The following PCDH15 variants were observed in gnomAD, a reference collection of about 807,000 sequenced individuals.
PCDH15 encodes protocadherin related 15.
A neutral mutation model predicts 178.5 loss-of-function variants in PCDH15; 129 were observed. The ratio of observed to expected loss-of-function variants is 0.72; its 90% CI spans 0.63 to 0.84. The LOEUF is 0.84. PCDH15 is among the 40% of genes least tolerant of loss of function. PCDH15 has a pLI of 0.00. For missense variants in PCDH15, 2,230 were observed against 2,099.9 expected, an observed-to-expected ratio of 1.06 and a Z score of -1.21; for synonymous variants, 800 against 732.0, an observed-to-expected ratio of 1.09 and a Z score of -1.50.
rs373752940 is a variant in PCDH15, at chr10:54,426,246, C to A, written c.158-47304G>T. ...TTTTGTTTATACCAGTGGTCCCCAA[C>A]CTCTTTGGTACCAGGGATTCATTTT... On this transcript the variant is annotated intron_variant, in intron 3 of 37. Transcript: ENST00000644397. Among the ~76,000 whole-genome samples, 61 of 152,224 alleles carry A rather than the reference C, an allele frequency of 4.0e-4. 1 individual carries two copies. The highest frequency in any genetic ancestry group is 1.3e-3 in the African/African-American group (52 of 41,532).
Position 54,179,703 on chromosome 10 carries a change from CTAAG to C in PCDH15, c.1590+3737_1590+3740del, listed in dbSNP as rs371996475. Among the ~76,000 whole-genome samples, 614 of 152,202 alleles carry C rather than the reference CTAAG, an allele frequency of 4.0e-3. 5 individuals carry two copies. The highest frequency in any genetic ancestry group is 0.012 in the African/African-American group (483 of 41,522). On this transcript the variant is annotated intron_variant, in intron 13 of 37. Transcript: ENST00000644397. ...TTTCAATTTCTTAAATAAAATCTGT[CTAAG>C]TGAGTCCGTTATGGGTGGCCAAATC...
chr10:54,613,650 ACAATTAAG>A (rs1335735648), intron 2 of PCDH15, among the ~76,000 whole-genome samples: 43 of 151,882 alleles, frequency 2.8e-4, no homozygotes, highest in African/African-American at 1.0e-3. Context: ...CAATCTGAAG[ACAATTAAG>A]CAAATTCAGA....
intron 3 of PCDH15, among the ~76,000 whole-genome samples, chr10:54,474,852 A>T (rs2078165443): frequency 6.6e-6 from 1 of 152,014 alleles, no homozygotes. Context: ...CTTTGAACAG[A>T]GTGAAAATTA....
intron 1 of PCDH15, among the ~76,000 whole-genome samples, chr10:54,730,991 A>G (rs1337128465): frequency 6.6e-6 from 1 of 151,514 alleles, no homozygotes; most frequent in African/African-American, 2.4e-5. Flanking sequence ...GAATGGAAGA[A>G]AATATTTGCA....
chr10:54,099,514 ATAT>A (rs1278475096), intron 15 of PCDH15, among the ~76,000 whole-genome samples: 3 of 92,868 alleles, frequency 3.2e-5, no homozygotes, highest in South Asian at 7.6e-4. Flanking sequence ...AAAAAAAAAA[ATAT>A]ATATATATAT....
intron 2 of PCDH15, among the ~76,000 whole-genome samples, chr10:55,119,939 A>G (rs1486113818): frequency 6.6e-6 from 1 of 152,154 alleles, no homozygotes; most frequent in East Asian, 1.9e-4. Flanking sequence ...TATGCAAGAA[A>G]GCCACTGTGA....
chr10:54,889,144 T>C (rs115606683), intron 3 of PCDH15, among the ~76,000 whole-genome samples: 2,221 of 152,020 alleles, frequency 0.015, 28 homozygotes, highest in South Asian at 0.03. Context: ...CTCCTATTTT[T>C]ACTATTTAGT....
chr10:54,153,995 AAGCATGTAAACATCTGTAT>A (rs1442190028), intron 13 of PCDH15, among the ~76,000 whole-genome samples: 1 of 152,184 alleles, frequency 6.6e-6, no homozygotes, highest in Admixed American at 6.6e-5. Context: ...CCTTGAAATT[AAGCATGTAAACATCTGTAT>A]AGCCAATTTA....
At chr10:54,752,677 G>A (rs1391412000) in intron 1 of PCDH15, among the ~76,000 whole-genome samples, 1 of 149,204 alleles carries the variant, frequency 6.7e-6, no homozygotes, top group Admixed American at 6.7e-5. Flanking sequence ...AAAAAATGAT[G>A]CCGAGTGTAT....
Position 54,527,726 on chromosome 10 carries a change from G to GT in PCDH15, c.157+85dup, listed in dbSNP as rs1444701329. 4 of 1,077,522 alleles carry GT rather than the reference G, an allele frequency of 3.7e-6. No individual in the cohort carries two copies. The African/African-American group carries it at 6.4e-5, about 17-fold the overall frequency. The allele number at this position is 1,077,522 out of a possible 1,614,324, so 66.7% of individuals were successfully genotyped here. ...GATTTGGGTTGAAACTTTCATTTTA[G>GT]TACCTCTACTCATAGTAGATTGAGA... On this transcript the variant is annotated intron_variant, in intron 3 of 37. Coordinates refer to ENST00000644397, the MANE Select transcript of PCDH15 (RefSeq NM_001384140.1).
At chr10:53,934,275 C>G (rs918774936) in intron 25 of PCDH15, among the ~76,000 whole-genome samples, 1 of 152,122 alleles carries the variant, frequency 6.6e-6, no homozygotes, top group Non-Finnish European at 1.5e-5. Context: ...ACACTAGTCA[C>G]CAGACCTTGC....
chr10:55,557,197 A>C (rs2132094248), intron 2 of PCDH15, among the ~76,000 whole-genome samples: 1 of 152,244 alleles, frequency 6.6e-6, no homozygotes, highest in South Asian at 2.1e-4. Flanking sequence ...ATTTTTATAC[A>C]TCTTTGATTT....
intron 18 of PCDH15, among the ~76,000 whole-genome samples, chr10:54,026,595 T>C (rs10763053): frequency 0.41 from 61,804 of 152,046 alleles, 14,086 homozygotes; most frequent in Middle Eastern, 0.64. Flanking sequence ...TTGATGCTTA[T>C]GGAAAAAAAG....
At chr10:54,796,318 C>G (rs1952007522) in intron 1 of PCDH15, among the ~76,000 whole-genome samples, 1 of 148,790 alleles carries the variant, frequency 6.7e-6, no homozygotes, top group Non-Finnish European at 1.5e-5. Flanking sequence ...ATCTATCTAT[C>G]TATCATCATC....
chr10:53,816,203 G>C (rs1475790722), intron 35 of PCDH15, 36 bp downstream of exon 35: 1 of 398,606 alleles, frequency 2.5e-6, no homozygotes, highest in African/African-American at 2.1e-5. Context: ...CACAGTGAAG[G>C]CTCAGTGAGG....
At chr10:54,607,252 G>A (rs114184849) in intron 2 of PCDH15, among the ~76,000 whole-genome samples, 1 of 151,924 alleles carries the variant, frequency 6.6e-6, no homozygotes, top group Non-Finnish European at 1.5e-5. Flanking sequence ...CTAGTCAAAA[G>A]ATAATTATAA....
intron 1 of PCDH15, among the ~76,000 whole-genome samples, chr10:54,734,096 A>T (rs1180713113): frequency 6.6e-6 from 1 of 151,802 alleles, no homozygotes; most frequent in Non-Finnish European, 1.5e-5. Flanking sequence ...ACTTAAAAAA[A>T]TGCTCTGCCA....
At chr10:54,328,329 G>A (rs997507348) in intron 7 of PCDH15, among the ~76,000 whole-genome samples, 47 of 151,694 alleles carry the variant, frequency 3.1e-4, no homozygotes, top group African/African-American at 1.1e-3. Flanking sequence ...ATTTCTTAAC[G>A]GTTATTTCAA....
chr10:54,550,809 G>A (rs2086487546), intron 2 of PCDH15, among the ~76,000 whole-genome samples: 1 of 151,914 alleles, frequency 6.6e-6, no homozygotes, highest in African/African-American at 2.4e-5. Flanking sequence ...AATATTTGTT[G>A]GATGATACAA....
Sources: allele counts gnomAD v4.1 joint callset (sites outside exome capture counted in the v4.1 genomes callset), GRCh38; gene constraint gnomAD v4.1.1; transcripts MANE v1.5; gene names NCBI Gene and HGNC (gene_info 2026-07-23, HGNC 2026-07-21).